The following OFD1 variants were observed in gnomAD, a reference collection of about 807,000 sequenced individuals.
The protein encoded by OFD1 is centriole and centriolar satellite protein OFD1.
A neutral mutation model predicts 81.4 loss-of-function variants in OFD1; 12 were observed. The ratio of observed to expected loss-of-function variants is 0.15; its 90% CI spans 0.09 to 0.24. The LOEUF (loss-of-function observed/expected upper bound fraction) is 0.24, where lower values mean the gene tolerates loss of function less well. Ranked by LOEUF, OFD1 falls within the 10% of genes least tolerant of loss-of-function variation. The pLI, the probability that OFD1 is intolerant of heterozygous loss-of-function variation, is 1.00. For missense variants in OFD1, 685 were observed against 733.9 expected (o/e 0.93, Z 0.77); for synonymous variants, 256 against 263.7 (o/e 0.97, Z 0.28).
intron 5 of OFD1, among the ~76,000 whole-genome samples, chrX:13,740,687 G>GGA (rs1569110659): frequency 9.2e-6 from 1 of 109,187 alleles, no homozygotes; most frequent in Non-Finnish European, 1.9e-5. Flanking sequence ...CAGCTACTTG[G>GGA]GAGGCTGAGG....
At chrX:13,740,359 T>C (rs929907123) in intron 5 of OFD1, 1 of 286,148 alleles carries the variant, frequency 3.5e-6, no homozygotes, top group African/African-American at 2.8e-5. Context: ...TGTGACTGGA[T>C]AACTGAATTT....
At chrX:13,737,252 GTT>G (rs373562457) in intron 3 of OFD1, among the ~76,000 whole-genome samples, 55 of 98,796 alleles carry the variant, frequency 5.6e-4, no homozygotes, top group African/African-American at 2.0e-3. Flanking sequence ...AAAAACACTT[GTT>G]TTTTTTTTTT....
chrX:13,717,034 TAAAAAA>T, the OFD1 span, among the ~76,000 whole-genome samples: 231 of 37,945 alleles, frequency 6.1e-3, 1 homozygote, highest in African/African-American at 0.024. Flanking sequence ...GATACTATGT[TAAAAAA>T]AAAAAAAAAA....
the OFD1 span, chrX:13,722,381 A>G: frequency 9.9e-5 from 11 of 110,883 alleles, no homozygotes; most frequent in Admixed American, 8.6e-4. Context: ...GAACTCAAAG[A>G]CCGACTGCAT....
At chrX:13,716,546 C>A in the OFD1 span, 1 of 1,211,662 alleles carries the variant, frequency 8.3e-7, no homozygotes, top group Non-Finnish European at 1.1e-6. Flanking sequence ...CCCGCAGTGA[C>A]AAATGCCGAC....
chrX:13,721,790 G>C, the OFD1 span: 1 of 106,520 alleles, frequency 9.4e-6, no homozygotes, highest in Admixed American at 1.0e-4. Context: ...GGGTGGAGGG[G>C]TGGGGGACTA....
chrX:13,757,845 G>T lies in OFD1; in HGVS notation c.1542+55G>T, dbSNP rs1047804185. On this transcript the variant is annotated intron_variant, in intron 14 of 22. Coordinates refer to ENST00000340096, the MANE Select transcript of OFD1 (RefSeq NM_003611.3). ...TGATACCAGTACACTTCATAGTTAC[G>T]TAAACTTGGCACAAGTCACACTAGT... The T allele has an allele frequency of 4.8e-5, 56 of 1,165,078 alleles. No individual in the cohort carries two copies. In the African/African-American group the frequency reaches 9.8e-4, roughly 20 times the overall value.
intron 3 of OFD1, among the ~76,000 whole-genome samples, chrX:13,737,264 T>A (rs1414550206): frequency 1.8e-5 from 2 of 111,479 alleles, no homozygotes; most frequent in Non-Finnish European, 3.8e-5. Context: ...TTTTTTTTTT[T>A]ACTACTTTTC....
chrX:13,723,059 C>T, the OFD1 span, among the ~76,000 whole-genome samples: 1 of 96,304 alleles, frequency 1.0e-5, no homozygotes, highest in African/African-American at 3.9e-5. Flanking sequence ...CGTGCCACTG[C>T]ACACTCCAGC....
At chrX:13,718,422 C>T in the OFD1 span, among the ~76,000 whole-genome samples, 1 of 112,754 alleles carries the variant, frequency 8.9e-6, no homozygotes, top group Admixed American at 9.4e-5. Context: ...AAACTGAAAA[C>T]GCTTTAAGAA....
chrX:13,756,216 A>G (rs1451237651), intron 12 of OFD1, among the ~76,000 whole-genome samples: 1 of 110,827 alleles, frequency 9.0e-6, no homozygotes, highest in Non-Finnish European at 1.9e-5. Flanking sequence ...AGCCTCCCAA[A>G]GTGCTGCGAT....
the OFD1 span, among the ~76,000 whole-genome samples, chrX:13,723,817 G>A: frequency 9.0e-5 from 10 of 110,700 alleles, no homozygotes; most frequent in Admixed American, 5.8e-4. Context: ...CCTCTCCTAA[G>A]ACATCCACAT....
In OFD1 at chrX:13,746,573, T is replaced by C. The variant is rs190037792; in HGVS notation, c.654+118T>C. ...TTTAATAACGAATGGGATACTGTAC[T>C]GTTGTGCAAATTTTTTTTTATTTCT... On this transcript the variant is annotated intron_variant, in intron 7 of 22. Transcript: ENST00000340096. 2.6e-3 allele frequency: 2,399 copies of C among 918,610 alleles called. 3 individuals are homozygous for C. Among genetic ancestry groups the C allele is most frequent in the Non-Finnish European group, 3.3e-3 (2,195 of 655,779 alleles). 75.7% of individuals were successfully genotyped at this position (918,610 alleles called of 1,213,427 possible).
At chrX:13,716,464 A>G in the OFD1 span, 1 of 1,141,273 alleles carries the variant, frequency 8.8e-7, no homozygotes, top group Non-Finnish European at 1.2e-6. Flanking sequence ...CCTGGCATCT[A>G]TGTTCCATGT....
rs1452860103 is a variant in OFD1 at position 13,754,095 on chromosome X, C to T, written c.1129+654C>T. Among the ~76,000 whole-genome samples, 3 of 110,297 alleles carry T rather than the reference C, an allele frequency of 2.7e-5. No homozygotes were observed. The South Asian group carries it at 1.1e-3, about 42-fold the overall frequency. ...CTCCCAGGTTCACGCCATTCTTCCA[C>T]CTCAGCCTCCCCAGTAGCTGGGACT... On this transcript the variant is annotated intron_variant, in intron 11 of 22. Transcript: ENST00000340096.
Position 13,746,833 on chromosome X carries a change from A to G in OFD1, c.708A>G (p.Lys236=). The G allele has an allele frequency of 1.7e-6, 2 of 1,202,539 alleles. No homozygotes were observed. Among genetic ancestry groups the G allele is most frequent in the African/African-American group, 1.7e-5 (1 of 57,441 alleles). Reference sequence around the variant, plus strand: ...CAAAAATTAAAATGGAAGCAAAAAAAAAGTATGAAAAGGAGTTAACCATGT... The same window carrying G: ...CAAAAATTAAAATGGAAGCAAAAAAGAAGTATGAAAAGGAGTTAACCATGT... ...EIAKIKMEAK[K]KYEKELTMFQ... is the part of the protein sequence containing the mutation. The change falls in exon 8 of 23, where the codon AAA becomes AAG. Residue 236 remains lysine, a synonymous_variant. Transcript: ENST00000340096.
chrX:13,771,835 A>G (rs756693235), downstream of OFD1: 27 of 112,565 alleles, frequency 2.4e-4, no homozygotes, highest in East Asian at 7.5e-3. Context: ...TAGATAAGAA[A>G]AAAATGAAAT....
At chrX:13,763,620 A>G in intron 18 of OFD1, 125 bp from the exon 19 acceptor site, 1 of 524,255 alleles carries the variant, frequency 1.9e-6, no homozygotes, top group Non-Finnish European at 3.4e-6. Context: ...TCCTGTTAGG[A>G]AAGGGCGCAC....
downstream of OFD1, chrX:13,772,337 AAGCTAGTTTGAGAAATCAATC>A (rs1263822089): frequency 8.9e-6 from 1 of 112,128 alleles, no homozygotes; most frequent in Non-Finnish European, 1.9e-5. Flanking sequence ...TGGGAGGGAA[AAGCTAGTTTGAGAAATCAATC>A]ATAAGAATCA....
Sources: gnomAD v4.1 joint callset for allele counts (sites outside exome capture counted in the v4.1 genomes callset) on GRCh38, gnomAD v4.1.1 for gene constraint, MANE v1.5 for transcripts, NCBI Gene and HGNC (gene_info 2026-07-23, HGNC 2026-07-21) for gene names.